The following FBXO34 variants were observed in gnomAD, a reference collection of about 807,000 sequenced individuals.
FBXO34 encodes F-box only protein 34.
In FBXO34, 12 loss-of-function variants were observed where a neutral mutation model predicts 24.5. The observed-to-expected ratio is 0.49, with a 90% confidence interval of 0.31 to 0.79. The LOEUF (loss-of-function observed/expected upper bound fraction) is 0.79, where lower values mean the gene tolerates loss of function less well. FBXO34 is among the 30% of genes least tolerant of loss of function. The pLI is 0.04. For synonymous variants in FBXO34, 320 were observed against 311.9 expected, an observed-to-expected ratio of 1.03 and a Z score of -0.27; for missense variants, 823 against 857.7, an observed-to-expected ratio of 0.96 and a Z score of 0.51.
the FBXO34 span, among the ~76,000 whole-genome samples, chr14:55,434,206 A>C: frequency 6.6e-6 from 1 of 152,238 alleles, no homozygotes; most frequent in Non-Finnish European, 1.5e-5. Context: ...AATGACCAAA[A>C]TGCAGAAGAG....
chr14:55,435,402 A>C, the FBXO34 span, among the ~76,000 whole-genome samples: 1 of 150,772 alleles, frequency 6.6e-6, no homozygotes, highest in Non-Finnish European at 1.5e-5. Flanking sequence ...CAACCTCCTG[A>C]GTAGCTGGGA....
downstream of FBXO34, among the ~76,000 whole-genome samples, chr14:55,373,369 A>G (rs1234973161): frequency 6.6e-6 from 1 of 152,170 alleles, no homozygotes; most frequent in Non-Finnish European, 1.5e-5. Context: ...GTGTGCATTG[A>G]TGGACACAGA....
intron 1 of FBXO34, among the ~76,000 whole-genome samples, chr14:55,296,589 G>A (rs1882141264): frequency 6.6e-6 from 1 of 151,478 alleles, no homozygotes; most frequent in Admixed American, 6.6e-5. Context: ...GTAGAGATGG[G>A]GTTTCACCAT....
the FBXO34 span, chr14:55,433,791 G>T: frequency 7.1e-7 from 1 of 1,403,194 alleles, no homozygotes; most frequent in Non-Finnish European, 9.9e-7. Context: ...AAAAAGCCGA[G>T]CTGAATATGA....
intron 1 of FBXO34, among the ~76,000 whole-genome samples, chr14:55,305,476 C>T (rs1205927056): frequency 6.6e-6 from 1 of 151,040 alleles, no homozygotes; most frequent in Non-Finnish European, 1.5e-5. Flanking sequence ...GAGTGGATCA[C>T]TTGAGGTCAG....
intron 1 of FBXO34, among the ~76,000 whole-genome samples, chr14:55,288,032 C>T (rs551451232): frequency 1.6e-4 from 24 of 152,246 alleles, no homozygotes; most frequent in Admixed American, 1.3e-3. Context: ...GGATTTTGGA[C>T]CATTTCGGAT....
At chr14:55,399,962 TAACA>T in the FBXO34 span, among the ~76,000 whole-genome samples, 7 of 152,144 alleles carry the variant, frequency 4.6e-5, no homozygotes, top group Admixed American at 3.9e-4. Context: ...GCAGCAGGAA[TAACA>T]AACAAAAGAT....
the FBXO34 span, chr14:55,436,499 C>T: frequency 6.6e-6 from 9 of 1,370,348 alleles, no homozygotes; most frequent in Admixed American, 7.8e-5. Flanking sequence ...TAGTTGTCAT[C>T]GCATTCAGGA....
the FBXO34 span, among the ~76,000 whole-genome samples, chr14:55,438,314 G>T: frequency 6.6e-6 from 1 of 152,142 alleles, no homozygotes; most frequent in African/African-American, 2.4e-5. Context: ...AAAGCACTTA[G>T]AATTAAAAAC....
At chr14:55,400,860 C>T in the FBXO34 span, among the ~76,000 whole-genome samples, 12 of 151,568 alleles carry the variant, frequency 7.9e-5, no homozygotes, top group Admixed American at 5.9e-4. Context: ...GCTGAGATTA[C>T]GTCACTGCAC....
At chr14:55,418,073 C>T in the FBXO34 span, among the ~76,000 whole-genome samples, 2 of 152,164 alleles carry the variant, frequency 1.3e-5, no homozygotes, top group Non-Finnish European at 2.9e-5. Flanking sequence ...CATTTTATTA[C>T]CCTAGAGGAA....
At chr14:55,350,228 T>G (rs1884301504) in intron 1 of FBXO34, among the ~76,000 whole-genome samples, 153 bp from the exon 2 acceptor site, 1 of 151,850 alleles carries the variant, frequency 6.6e-6, no homozygotes, top group Admixed American at 6.6e-5. Flanking sequence ...ATATGTGCAG[T>G]AAAAACTATC....
the FBXO34 span, among the ~76,000 whole-genome samples, chr14:55,442,091 G>A: frequency 2.0e-5 from 3 of 151,082 alleles, no homozygotes; most frequent in African/African-American, 7.3e-5. Context: ...TGTAAGATAC[G>A]TAAAAATGTA....
intron 1 of FBXO34, among the ~76,000 whole-genome samples, chr14:55,283,353 G>A (rs1274794786): frequency 6.6e-6 from 1 of 151,964 alleles, no homozygotes; most frequent in African/African-American, 2.4e-5. Flanking sequence ...TATATGCGAG[G>A]TAGTATGTTA....
chr14:55,340,237 AT>A (rs1390767569), intron 1 of FBXO34, among the ~76,000 whole-genome samples: 6 of 151,844 alleles, frequency 4.0e-5, no homozygotes, highest in African/African-American at 1.5e-4. Context: ...GTTATCCTGA[AT>A]TTTTACCAAC....
chr14:55,391,301 C>T, the FBXO34 span: 1 of 188,106 alleles, frequency 5.3e-6, no homozygotes. Flanking sequence ...TGGTGAAACC[C>T]CATCTCTACT....
At chr14:55,378,762 GATCATA>G in the FBXO34 span, among the ~76,000 whole-genome samples, 1 of 152,110 alleles carries the variant, frequency 6.6e-6, no homozygotes, top group Non-Finnish European at 1.5e-5. Context: ...GCACTGGCAT[GATCATA>G]GCTCACTACA....
chr14:55,370,617 A>G (rs1884792777), downstream of FBXO34, among the ~76,000 whole-genome samples: 1 of 151,814 alleles, frequency 6.6e-6, no homozygotes, highest in Non-Finnish European at 1.5e-5. Flanking sequence ...GAACCGAGTC[A>G]GCAAACCTCA....
the FBXO34 span, among the ~76,000 whole-genome samples, chr14:55,388,961 A>G: frequency 0.02 from 3,020 of 152,136 alleles, 79 homozygotes; most frequent in African/African-American, 0.069. Flanking sequence ...TTTTTTTTCA[A>G]CATGGCGATT....
Sources: allele counts gnomAD v4.1 joint callset (sites outside exome capture counted in the v4.1 genomes callset), GRCh38; gene constraint gnomAD v4.1.1; transcripts MANE v1.5; gene names NCBI Gene and HGNC (gene_info 2026-07-23, HGNC 2026-07-21).